Variants in PIH1D2 observed in about 807,000 individuals in gnomAD.
PIH1D2 encodes the protein PIH1 domain-containing protein 2.
Under a neutral mutation model 31.2 loss-of-function variants are expected in PIH1D2, and 25 were observed. The ratio of observed to expected loss-of-function variants is 0.80; its 90% CI spans 0.58 to 1.12. PIH1D2 has a LOEUF of 1.12. Among genes scored for constraint, PIH1D2 ranks in the 50% most tolerant of loss-of-function variants. The pLI, the probability that PIH1D2 is intolerant of heterozygous loss-of-function variation, is 0.00. For missense variants in PIH1D2, 310 were observed against 356.6 expected, an observed-to-expected ratio of 0.87 and a Z score of 1.05; for synonymous variants, 116 against 119.9, an observed-to-expected ratio of 0.97 and a Z score of 0.21.
At chr11:112,070,187 G>A (rs868935015) in intron 5 of PIH1D2, 15 of 592,276 alleles carry the variant, frequency 2.5e-5, no homozygotes, top group African/African-American at 9.3e-5. Flanking sequence ...CCAGTGGAGC[G>A]TGAGTAGAAG....
downstream of PIH1D2, among the ~76,000 whole-genome samples, chr11:112,060,271 C>G (rs1864493618): frequency 6.6e-6 from 1 of 151,446 alleles, no homozygotes. Flanking sequence ...CGCCATTCTC[C>G]TGCCTCAGCC....
chr11:112,065,985 G>A (rs1864911631), downstream of PIH1D2, among the ~76,000 whole-genome samples: 4 of 151,100 alleles, frequency 2.6e-5, no homozygotes, highest in South Asian at 4.2e-4. Context: ...GTGACCGAGC[G>A]AGACTCTGTC....
the PIH1D2 span, among the ~76,000 whole-genome samples, chr11:112,052,710 GA>G: frequency 6.6e-6 from 1 of 151,994 alleles, no homozygotes; most frequent in Non-Finnish European, 1.5e-5. Flanking sequence ...AGGAAAGGAA[GA>G]AAAAAGTCTT....
At chr11:112,056,321 ACT>A in the PIH1D2 span, among the ~76,000 whole-genome samples, 1 of 152,082 alleles carries the variant, frequency 6.6e-6, no homozygotes, top group Admixed American at 6.6e-5. Context: ...CCAAAAGATC[ACT>A]CATGCTCATT....
Position 112,071,615 on chromosome 11 carries a change from T to C in PIH1D2, c.301+20A>G, listed in dbSNP as rs1032711931. 1.8e-5 allele frequency: 29 copies of C among 1,609,438 alleles called. No homozygotes were observed. The highest frequency in any genetic ancestry group is 2.5e-5 in the Non-Finnish European group (29 of 1,176,782). On this transcript the variant is annotated intron_variant, in intron 3 of 5. Transcript: ENST00000280350. ...TCCTAATAAAATTTTTACAATGTGCTTTCTCTCAATTATTTGTACCTGATA... is the reference window on the plus strand; with the variant it reads ...TCCTAATAAAATTTTTACAATGTGCCTTCTCTCAATTATTTGTACCTGATA...
At chr11:112,064,201 T>C, downstream of PIH1D2, 1 of 1,571,446 alleles carries the variant, frequency 6.4e-7, no homozygotes, top group South Asian at 1.2e-5. Context: ...CTTTCGCTAA[T>C]GCTTGTGGTT....
chr11:112,067,445 C>T (rs1864957964), downstream of PIH1D2, among the ~76,000 whole-genome samples: 1 of 150,776 alleles, frequency 6.6e-6, no homozygotes, highest in South Asian at 2.1e-4. Context: ...AGGTGGATCA[C>T]CTGAGGTCAG....
chr11:112,056,566 C>G, the PIH1D2 span, among the ~76,000 whole-genome samples: 1 of 152,078 alleles, frequency 6.6e-6, no homozygotes, highest in Non-Finnish European at 1.5e-5. Flanking sequence ...ATCAATATAC[C>G]TCTTTATCAT....
chr11:112,069,407 A>G (rs911663584), intron 5 of PIH1D2, among the ~76,000 whole-genome samples: 15 of 152,138 alleles, frequency 9.9e-5, no homozygotes, highest in Non-Finnish European at 2.1e-4. Flanking sequence ...AATATGGGCA[A>G]TGTCTAAAAA....
At chr11:112,066,326 T>A (rs1482142401), downstream of PIH1D2, among the ~76,000 whole-genome samples, 1 of 152,172 alleles carries the variant, frequency 6.6e-6, no homozygotes, top group Non-Finnish European at 1.5e-5. Flanking sequence ...TGTCAACTAC[T>A]TTTTTTGTTC....
downstream of PIH1D2, among the ~76,000 whole-genome samples, chr11:112,065,480 T>TA (rs1471788403): frequency 6.6e-6 from 1 of 152,184 alleles, no homozygotes; most frequent in Non-Finnish European, 1.5e-5. Flanking sequence ...AGTGATTTTG[T>TA]AGGAGTAAAG....
chr11:112,072,901 A>AC, intron 2 of PIH1D2, 97 bp downstream of exon 2: 1 of 1,227,082 alleles, frequency 8.1e-7, no homozygotes, highest in Non-Finnish European at 1.1e-6. Context: ...AAAAAAAAAC[A>AC]AAAAAAATTA....
chr11:112,062,451 C>T (rs782349506), downstream of PIH1D2: 4 of 1,612,604 alleles, frequency 2.5e-6, no homozygotes, highest in African/African-American at 5.3e-5. Context: ...GTTGTGATCA[C>T]CGGGTGGTGG....
chr11:112,070,747 A>C, intron 4 of PIH1D2, 46 bp from the exon 5 acceptor site: 1 of 1,566,592 alleles, frequency 6.4e-7, no homozygotes, highest in Non-Finnish European at 8.7e-7. Flanking sequence ...TAAATCTACA[A>C]CATAAAATAC....
At chr11:112,062,390 C>CT, downstream of PIH1D2, 4 of 1,612,046 alleles carry the variant, frequency 2.5e-6, no homozygotes, top group Non-Finnish European at 3.4e-6. Flanking sequence ...TCTAAAATGT[C>CT]TTTATCTTTT....
At chr11:112,068,973 A>ATTTTT (rs1159827826) in intron 5 of PIH1D2, among the ~76,000 whole-genome samples, 8 of 134,388 alleles carry the variant, frequency 6.0e-5, no homozygotes, top group African/African-American at 2.4e-4. Context: ...AAACCTCTGA[A>ATTTTT]TTTTTTTTGT....
At position 112,067,858 on chromosome 11, in the gene PIH1D2, T is replaced by G. The variant is rs374892760; in HGVS notation, c.*13A>C. 1 of 1,611,512 alleles carries G rather than the reference T, an allele frequency of 6.2e-7. No individual in the cohort carries two copies. The highest frequency in any genetic ancestry group is 1.3e-5 in the African/African-American group (1 of 74,590). ...TTTAGCACTGAAAACCCAAAACATA[T>G]GATGCTCTTCTTTCACACCAAAGGC... On this transcript the variant is annotated 3_prime_UTR_variant, in exon 6 of 6. Coordinates refer to ENST00000280350, the MANE Select transcript of PIH1D2 (RefSeq NM_138789.4).
intron 2 of PIH1D2, 122 bp from the exon 3 acceptor site, chr11:112,071,880 G>GCT: frequency 9.8e-7 from 1 of 1,021,750 alleles, no homozygotes; most frequent in Non-Finnish European, 1.4e-6. Context: ...ATCACCTGAG[G>GCT]TCAGGAATTT....
chr11:112,072,548 T>C (rs1375060406), intron 2 of PIH1D2, among the ~76,000 whole-genome samples: 3 of 11,702 alleles, frequency 2.6e-4, no homozygotes, highest in South Asian at 5.2e-3. Flanking sequence ...AGACCCTATC[T>C]CAAAAAAAAA....
Sources: allele counts gnomAD v4.1 joint callset (sites outside exome capture counted in the v4.1 genomes callset), GRCh38; gene constraint gnomAD v4.1.1; transcripts MANE v1.5; gene names NCBI Gene and HGNC (gene_info 2026-07-23, HGNC 2026-07-21).